Variants in DCDC1 observed in about 807,000 individuals in gnomAD.
DCDC1 encodes doublecortin domain containing 1.
DCDC1 carries 200 observed loss-of-function variants against 178.3 expected under a neutral mutation model. That is an observed-to-expected ratio of 1.12 (90% confidence interval 1.00 to 1.26). DCDC1 has a LOEUF of 1.26. Among genes scored for constraint, DCDC1 ranks in the 50% most tolerant of loss-of-function variants. The pLI, the probability that DCDC1 is intolerant of heterozygous loss-of-function variation, is 0.00. For missense variants in DCDC1, 1,983 were observed against 1,749.2 expected, an observed-to-expected ratio of 1.13 and a Z score of -2.38; for synonymous variants, 690 against 604.8, an observed-to-expected ratio of 1.14 and a Z score of -2.07.
chr11:31,266,579 A>G (rs1301622921), intron 7 of DCDC1, among the ~76,000 whole-genome samples: 1 of 152,194 alleles, frequency 6.6e-6, no homozygotes, highest in East Asian at 1.9e-4. Flanking sequence ...CAGCTATAAT[A>G]TTACTTTCCC....
chr11:31,137,826 G>C, intron 9 of DCDC1, 42 bp from the exon 10 acceptor site: 1 of 693,656 alleles, frequency 1.4e-6, no homozygotes, highest in South Asian at 1.5e-5. Flanking sequence ...GGTATCTATT[G>C]ACACCTAATA....
intron 21 of DCDC1, among the ~76,000 whole-genome samples, chr11:30,950,504 A>G (rs1042944676): frequency 2.6e-5 from 4 of 152,200 alleles, no homozygotes; most frequent in Admixed American, 2.6e-4. Context: ...TATACACAGT[A>G]AAGTATTTCA....
chr11:31,114,870 G>A (rs1959641369), intron 11 of DCDC1, among the ~76,000 whole-genome samples: 1 of 152,264 alleles, frequency 6.6e-6, no homozygotes, highest in African/African-American at 2.4e-5. Context: ...GCAATCCGAA[G>A]CCAGGGTTAA....
chr11:30,958,959 G>A (rs945615338), intron 20 of DCDC1, among the ~76,000 whole-genome samples: 1 of 152,046 alleles, frequency 6.6e-6, no homozygotes, highest in Non-Finnish European at 1.5e-5. Flanking sequence ...TAGAGGAAAG[G>A]GGCAATTGCA....
At chr11:30,980,994 C>T (rs887463989) in intron 20 of DCDC1, among the ~76,000 whole-genome samples, 4 of 152,084 alleles carry the variant, frequency 2.6e-5, no homozygotes, top group South Asian at 2.1e-4. Context: ...ATATACACCA[C>T]GAATACAACA....
intron 20 of DCDC1, among the ~76,000 whole-genome samples, chr11:31,001,005 C>T (rs981921853): frequency 6.6e-6 from 1 of 151,976 alleles, no homozygotes; most frequent in African/African-American, 2.4e-5. Context: ...GTATTAACAT[C>T]CATTGATGGT....
intron 20 of DCDC1, among the ~76,000 whole-genome samples, chr11:31,062,714 C>T (rs1019532288): frequency 6.6e-6 from 1 of 151,900 alleles, no homozygotes; most frequent in Admixed American, 6.6e-5. Flanking sequence ...TCAGAAAAAA[C>T]GTTCCCTTCC....
At chr11:30,892,729 A>C (rs768424839) in intron 36 of DCDC1, 89 bp downstream of exon 36, 2 of 1,471,204 alleles carry the variant, frequency 1.4e-6, no homozygotes, top group Non-Finnish European at 1.9e-6. Flanking sequence ...AGGTTCATAG[A>C]AGTAATTTGC....
At position 30,919,046 on chromosome 11, in the gene DCDC1, T is replaced by G. The variant is rs560440463; in HGVS notation, c.3293+1730A>C. ...GCAAAAAACTCCAAACAAGCACATT[T>G]AAGAAAGTCTGGGAAAAATCTTACA... On this transcript the variant is annotated intron_variant, in intron 25 of 38. Transcript: ENST00000684477. 1.9e-4 allele frequency among the ~76,000 whole-genome samples: 29 copies of G among 152,254 alleles called. No individual in the cohort carries two copies. In the South Asian group the frequency reaches 6.0e-3, roughly 32 times the overall value.
chr11:31,312,676 T>C (rs895839559), intron 3 of DCDC1: 2 of 152,212 alleles, frequency 1.3e-5, no homozygotes, highest in African/African-American at 4.8e-5. Flanking sequence ...TCACTCTTGT[T>C]TCTCAGGCCT....
intron 11 of DCDC1, among the ~76,000 whole-genome samples, chr11:31,118,486 T>C (rs1334201637): frequency 1.3e-5 from 2 of 152,172 alleles, no homozygotes; most frequent in Admixed American, 1.3e-4. Flanking sequence ...GAATTTATGC[T>C]CGATAACGTT....
chr11:31,311,760 T>C (rs547892227), intron 3 of DCDC1, among the ~76,000 whole-genome samples: 1 of 152,214 alleles, frequency 6.6e-6, no homozygotes, highest in African/African-American at 2.4e-5. Context: ...ATCATCATAA[T>C]ACAGGAATTT....
chr11:31,338,481 G>A (rs183568286), intron 1 of DCDC1, among the ~76,000 whole-genome samples: 18 of 152,270 alleles, frequency 1.2e-4, no homozygotes, highest in Middle Eastern at 3.4e-3. Context: ...GAAGAAGGGC[G>A]TACCAAAGAT....
At position 31,159,551 on chromosome 11, in the gene DCDC1, G is replaced by C. The variant is rs376667651; in HGVS notation, c.1222-21767C>G. 3.0e-4 allele frequency among the ~76,000 whole-genome samples: 46 copies of C among 152,268 alleles called. No homozygotes were observed. In the East Asian group the frequency reaches 5.4e-3, roughly 18 times the overall value. ...GTATTTGGAATTCATTTCTGTGGGA[G>C]GTCATAGAGTCAAACACTACAACTG... On this transcript the variant is annotated intron_variant, in intron 9 of 38. Transcript: ENST00000684477.
chr11:31,217,901 A>G (rs868395760), intron 9 of DCDC1, among the ~76,000 whole-genome samples: 1 of 152,112 alleles, frequency 6.6e-6, no homozygotes, highest in African/African-American at 2.4e-5. Context: ...TGTGTACTCT[A>G]TATCTCTGCC....
At chr11:31,360,315 T>G (rs946895510) in intron 1 of DCDC1, among the ~76,000 whole-genome samples, 3 of 152,118 alleles carry the variant, frequency 2.0e-5, no homozygotes, top group African/African-American at 7.2e-5. Context: ...CCAAACCAAC[T>G]CCTCTAAAGA....
intron 2 of DCDC1, among the ~76,000 whole-genome samples, chr11:31,328,589 G>A (rs1949772599): frequency 6.6e-6 from 1 of 152,030 alleles, no homozygotes; most frequent in East Asian, 1.9e-4. Context: ...ACAAGGTCAG[G>A]AGATAGAGAC....
At position 30,931,849 on chromosome 11, in the gene DCDC1, ACT is replaced by A; in HGVS notation, c.2817_2818del (p.Arg939SerfsTer9). On this transcript the variant is annotated frameshift_variant, in exon 22 of 39. Coordinates refer to ENST00000684477, the MANE Select transcript of DCDC1 (RefSeq NM_001387274.1). LOFTEE classifies it high-confidence loss of function. ...TTTATTCTTCTCTCCATTCTGCAAA[ACT>A]CTGAGTCGCACAGGGGCATATGGCT... 6.2e-7 allele frequency: 1 copy of A among 1,612,874 alleles called. No individual in the cohort carries two copies. Among genetic ancestry groups the A allele is most frequent in the Non-Finnish European group, 8.5e-7 (1 of 1,179,338 alleles).
chr11:30,988,184 A>G (rs1950763158), intron 20 of DCDC1, among the ~76,000 whole-genome samples: 1 of 152,210 alleles, frequency 6.6e-6, no homozygotes, highest in Non-Finnish European at 1.5e-5. Flanking sequence ...GAGAATAAAT[A>G]GTAGAGAGCA....
Sources: gnomAD v4.1 joint callset for allele counts (sites outside exome capture counted in the v4.1 genomes callset) on GRCh38, gnomAD v4.1.1 for gene constraint, MANE v1.5 for transcripts, NCBI Gene and HGNC (gene_info 2026-07-23, HGNC 2026-07-21) for gene names.